Variants in PCSK2 observed in about 807,000 individuals in gnomAD.
The protein encoded by PCSK2 is proprotein convertase subtilisin/kexin type 2.
In PCSK2, 14 loss-of-function variants were observed where a neutral mutation model predicts 69.7. The observed-to-expected ratio is 0.20, with a 90% CI of 0.13 to 0.31. PCSK2 has a LOEUF of 0.31. Among genes scored for constraint, PCSK2 ranks in the 10% least tolerant of loss-of-function variants. The pLI is 1.00. For missense variants in PCSK2, 544 were observed against 842.5 expected, an observed-to-expected ratio of 0.65 and a Z score of 4.39; for synonymous variants, 307 against 320.7, an observed-to-expected ratio of 0.96 and a Z score of 0.46.
At chr20:17,358,188 T>C (rs557105088) in intron 2 of PCSK2, 139 bp from the exon 3 acceptor site, 29 of 607,984 alleles carry the variant, frequency 4.8e-5, no homozygotes, top group Non-Finnish European at 8.0e-5. Flanking sequence ...AAGGTGAGCA[T>C]GTATATGAGA....
At chr20:17,467,070 G>A (rs970524189) in intron 11 of PCSK2, among the ~76,000 whole-genome samples, 4 of 152,166 alleles carry the variant, frequency 2.6e-5, no homozygotes, top group African/African-American at 9.7e-5. Context: ...CATCGAGCCT[G>A]GCCAGAGTCC....
chr20:17,299,148 G>C (rs1988994545), intron 2 of PCSK2, among the ~76,000 whole-genome samples: 1 of 152,036 alleles, frequency 6.6e-6, no homozygotes, highest in Non-Finnish European at 1.5e-5. Context: ...TCTATTCTGA[G>C]ATCAACATTT....
chr20:17,290,478 T>A (rs186505829), intron 2 of PCSK2, among the ~76,000 whole-genome samples: 2 of 152,348 alleles, frequency 1.3e-5, no homozygotes, highest in Admixed American at 6.5e-5. Flanking sequence ...TTTACATATT[T>A]TATCTTGCTT....
At chr20:17,324,357 C>T (rs1269785955) in intron 2 of PCSK2, among the ~76,000 whole-genome samples, 1 of 152,296 alleles carries the variant, frequency 6.6e-6, no homozygotes, top group East Asian at 1.9e-4. Flanking sequence ...TTTAACATGA[C>T]CTGGAAGAGC....
intron 10 of PCSK2, among the ~76,000 whole-genome samples, chr20:17,461,745 G>A (rs1461213243): frequency 1.3e-5 from 2 of 152,220 alleles, no homozygotes; most frequent in African/African-American, 4.8e-5. Flanking sequence ...TGCTCTGAAA[G>A]AGAATGGTGA....
intron 2 of PCSK2, among the ~76,000 whole-genome samples, chr20:17,285,505 C>G (rs906166964): frequency 2.6e-5 from 4 of 152,208 alleles, no homozygotes; most frequent in Non-Finnish European, 5.9e-5. Context: ...GATCTTTAGT[C>G]TGGTCTGTTG....
intron 5 of PCSK2, among the ~76,000 whole-genome samples, chr20:17,378,582 T>TGGATGGAC (rs895152968): frequency 6.8e-6 from 1 of 147,784 alleles, no homozygotes; most frequent in African/African-American, 2.6e-5. Context: ...GAATTATGGA[T>TGGATGGAC]GGATGGACGG....
At chr20:17,400,134 TG>T (rs2031601828) in intron 5 of PCSK2, among the ~76,000 whole-genome samples, 1 of 152,242 alleles carries the variant, frequency 6.6e-6, no homozygotes, top group African/African-American at 2.4e-5. Context: ...TATGGCCCTC[TG>T]TGGGAGGTTA....
At position 17,284,646 on chromosome 20, in the gene PCSK2, G is replaced by C. The variant is rs1028339242; in HGVS notation, c.282+24302G>C. On this transcript the variant is annotated intron_variant, in intron 2 of 11. Coordinates refer to ENST00000262545, the MANE Select transcript of PCSK2 (RefSeq NM_002594.5). ...GGCTTTCTAGACAGAGAATGTAATT[G>C]TACTAGGTTTGTTGCCCGATGTGCA... Among the ~76,000 whole-genome samples the C allele has an allele frequency of 3.4e-4, 51 of 152,200 alleles. 1 individual carries two copies. The highest frequency in any genetic ancestry group is 1.3e-4 in the Admixed American group (2 of 15,278).
chr20:17,329,105 C>T (rs1448309779), intron 2 of PCSK2, among the ~76,000 whole-genome samples: 2 of 152,158 alleles, frequency 1.3e-5, no homozygotes, highest in African/African-American at 4.8e-5. Flanking sequence ...ACAGTGTTGA[C>T]TAAAAACAAA....
chr20:17,437,995 C>T (rs1568650287), intron 8 of PCSK2, among the ~76,000 whole-genome samples: 17 of 151,514 alleles, frequency 1.1e-4, no homozygotes, highest in Admixed American at 9.2e-4. Context: ...TCCCCCCCAC[C>T]CACACCGTGC....
intron 8 of PCSK2, among the ~76,000 whole-genome samples, chr20:17,440,995 G>A (rs1259849130): frequency 6.6e-6 from 1 of 152,148 alleles, no homozygotes; most frequent in African/African-American, 2.4e-5. Context: ...AAGAATGTGT[G>A]GAAAGCCACA....
intron 1 of PCSK2, among the ~76,000 whole-genome samples, chr20:17,252,562 G>T (rs960506996): frequency 2.0e-5 from 3 of 152,188 alleles, no homozygotes; most frequent in Non-Finnish European, 2.9e-5. Flanking sequence ...GCCCACAAGG[G>T]TTAACTAACT....
intron 8 of PCSK2, among the ~76,000 whole-genome samples, chr20:17,447,743 C>T (rs1600587523): frequency 6.6e-6 from 1 of 151,990 alleles, no homozygotes; most frequent in Non-Finnish European, 1.5e-5. Flanking sequence ...CATGTACATT[C>T]AAGAAGAGGT....
chr20:17,468,358 T>TG (rs952490236), intron 11 of PCSK2, among the ~76,000 whole-genome samples: 11 of 124,800 alleles, frequency 8.8e-5, no homozygotes, highest in Non-Finnish European at 1.5e-4. Flanking sequence ...AGCGTCCTGT[T>TG]GTAGACAGGC....
At chr20:17,462,881 A>T (rs1309849737) in intron 10 of PCSK2, among the ~76,000 whole-genome samples, 4 of 152,196 alleles carry the variant, frequency 2.6e-5, no homozygotes, top group Non-Finnish European at 4.4e-5. Context: ...TATCACCTGT[A>T]ATTCTTGGGC....
At chr20:17,472,878 A>G (rs2033227045) in intron 11 of PCSK2, among the ~76,000 whole-genome samples, 1 of 152,100 alleles carries the variant, frequency 6.6e-6, no homozygotes, top group Admixed American at 6.5e-5. Context: ...ACTTTATCTT[A>G]CAGTTGAAGA....
intron 5 of PCSK2, among the ~76,000 whole-genome samples, chr20:17,383,378 A>G (rs976732866): frequency 6.6e-6 from 1 of 152,218 alleles, no homozygotes; most frequent in African/African-American, 2.4e-5. Flanking sequence ...GTACTTCTTT[A>G]GTAACTTCTG....
At chr20:17,242,989 T>C (rs1408523423) in intron 1 of PCSK2, among the ~76,000 whole-genome samples, 1 of 152,240 alleles carries the variant, frequency 6.6e-6, no homozygotes, top group African/African-American at 2.4e-5. Context: ...GGGAATGGAA[T>C]GGCTTCTTGT....
Sources: allele counts gnomAD v4.1 joint callset (sites outside exome capture counted in the v4.1 genomes callset), GRCh38; gene constraint gnomAD v4.1.1; transcripts MANE v1.5; gene names NCBI Gene and HGNC (gene_info 2026-07-23, HGNC 2026-07-21).